DNAH7: variants seen among roughly 807,000 people sequenced by gnomAD.
DNAH7 encodes the protein axonemal beta dynein heavy chain 7.
In DNAH7, 397 loss-of-function variants were observed where a neutral mutation model predicts 444.6. The observed-to-expected ratio is 0.89, with a 90% CI of 0.82 to 0.97. The LOEUF (loss-of-function observed/expected upper bound fraction) is 0.97, where lower values mean the gene tolerates loss of function less well. DNAH7 is among the 50% of genes least tolerant of loss of function. DNAH7 has a pLI of 0.00. For missense variants in DNAH7, 4,902 were observed against 4,800.8 expected, an observed-to-expected ratio of 1.02 and a Z score of -0.62; for synonymous variants, 1,636 against 1,624.4, an observed-to-expected ratio of 1.01 and a Z score of -0.17.
At chr2:195,873,735 AT>A in intron 38 of DNAH7, 41 bp from the exon 39 acceptor site, 2 of 1,410,626 alleles carry the variant, frequency 1.4e-6, no homozygotes, top group South Asian at 3.1e-5. Context: ...TGTTACTAGT[AT>A]ATACAAGAGT....
chr2:195,858,458 A>G lies in DNAH7; in HGVS notation c.8067+16T>C. On this transcript the variant is annotated intron_variant, in intron 43 of 64. Transcript: ENST00000312428. Reference sequence around the variant, plus strand: ...TGATGACATGTGTCCTAGAAAGTGTATGGCGAAGCTCTTACCTGTGCAGTA... The same window carrying G: ...TGATGACATGTGTCCTAGAAAGTGTGTGGCGAAGCTCTTACCTGTGCAGTA... 1.3e-6 allele frequency: 2 copies of G among 1,557,794 alleles called. No homozygotes were observed. The highest frequency in any genetic ancestry group is 1.7e-6 in the Non-Finnish European group (2 of 1,153,546).
At chr2:195,994,727 G>C in intron 12 of DNAH7, 2 of 479,454 alleles carry the variant, frequency 4.2e-6, no homozygotes, top group Admixed American at 2.6e-5. Context: ...AGACCACTAA[G>C]TTTTCAAATA....
intron 15 of DNAH7, among the ~76,000 whole-genome samples, chr2:195,980,604 C>A (rs1692511510): frequency 6.6e-6 from 1 of 152,060 alleles, no homozygotes; most frequent in African/African-American, 2.4e-5. Flanking sequence ...ATGCAAAAGT[C>A]CTCAATAAAA....
chr2:195,810,240 T>C (rs1007569226), intron 51 of DNAH7, among the ~76,000 whole-genome samples: 43 of 152,330 alleles, frequency 2.8e-4, no homozygotes, highest in African/African-American at 9.1e-4. Flanking sequence ...TTTTATATTG[T>C]ATATTAAATG....
intron 54 of DNAH7, among the ~76,000 whole-genome samples, chr2:195,803,272 GAATTATA>G (rs1696561532): frequency 6.6e-6 from 1 of 152,222 alleles, no homozygotes; most frequent in African/African-American, 2.4e-5. Context: ...AAGCAAGTTT[GAATTATA>G]AATGGCCTCA....
chr2:195,748,779 CCATA>C (rs1693596632), intron 63 of DNAH7, among the ~76,000 whole-genome samples: 1 of 152,226 alleles, frequency 6.6e-6, no homozygotes, highest in Non-Finnish European at 1.5e-5. Flanking sequence ...AACTGGCTAG[CCATA>C]TGCAGAAAGC....
At chr2:195,826,670 C>T (rs375086970) in intron 48 of DNAH7, among the ~76,000 whole-genome samples, 401 of 152,212 alleles carry the variant, frequency 2.6e-3, no homozygotes, top group Non-Finnish European at 4.3e-3. Context: ...TACTAACATA[C>T]TTGACCATCT....
intron 5 of DNAH7, among the ~76,000 whole-genome samples, chr2:196,035,745 T>C (rs1049101551): frequency 6.6e-5 from 10 of 152,146 alleles, no homozygotes; most frequent in Admixed American, 6.5e-4. Flanking sequence ...GAATGCTCCA[T>C]TGCAGGAAAA....
At chr2:195,832,804 A>G (rs1157513423) in intron 48 of DNAH7, among the ~76,000 whole-genome samples, 1 of 152,198 alleles carries the variant, frequency 6.6e-6, no homozygotes, top group Non-Finnish European at 1.5e-5. Context: ...CTGAATTCCT[A>G]TAGTACATCA....
At chr2:196,044,203 A>ATGTGTGTGTGTG (rs367981308) in intron 5 of DNAH7, among the ~76,000 whole-genome samples, 6 of 146,998 alleles carry the variant, frequency 4.1e-5, no homozygotes, top group African/African-American at 1.5e-4. Context: ...ATATATATAT[A>ATGTGTGTGTGTG]TGTGTGTGTG....
chr2:195,817,468 T>C (rs533098444), intron 50 of DNAH7, among the ~76,000 whole-genome samples: 6 of 152,342 alleles, frequency 3.9e-5, no homozygotes, highest in Non-Finnish European at 7.4e-5. Flanking sequence ...CCCTGACTTC[T>C]GGCAGGCCTT....
At chr2:196,031,401 A>G (rs544642816) in intron 5 of DNAH7, among the ~76,000 whole-genome samples, 1 of 152,340 alleles carries the variant, frequency 6.6e-6, no homozygotes, top group East Asian at 1.9e-4. Context: ...CATGCCCTGG[A>G]AATATTTTTC....
intron 57 of DNAH7, among the ~76,000 whole-genome samples, chr2:195,793,754 C>T (rs959005200): frequency 2.0e-5 from 3 of 152,122 alleles, no homozygotes; most frequent in Admixed American, 6.5e-5. Flanking sequence ...AAGTTCATAA[C>T]CCCTCTTAAA....
At chr2:195,790,038 G>C (rs2105979668) in intron 57 of DNAH7, among the ~76,000 whole-genome samples, 1 of 152,194 alleles carries the variant, frequency 6.6e-6, no homozygotes, top group African/African-American at 2.4e-5. Flanking sequence ...TAATGTTCAA[G>C]CTGAAAGCCA....
intron 49 of DNAH7, among the ~76,000 whole-genome samples, chr2:195,821,942 G>A (rs950232243): frequency 6.6e-6 from 1 of 152,152 alleles, no homozygotes; most frequent in Non-Finnish European, 1.5e-5. Flanking sequence ...AAACCCCTAG[G>A]AAGATGATTC....
chr2:195,939,239 G>A (rs180927663), intron 19 of DNAH7, among the ~76,000 whole-genome samples: 6 of 152,204 alleles, frequency 3.9e-5, no homozygotes, highest in African/African-American at 9.6e-5. Flanking sequence ...TGACTCTGGG[G>A]AAAGGGGAAA....
Position 195,845,041 on chromosome 2 carries a change from G to A in DNAH7, c.8906C>T (p.Pro2969Leu). 2 of 1,613,768 alleles carry A rather than the reference G, an allele frequency of 1.2e-6. No homozygotes were observed. Among genetic ancestry groups the A allele is most frequent in the Non-Finnish European group, 1.7e-6 (2 of 1,179,860 alleles). ...TIRTWNIAGL[P>L]SDSFSIDNGI... ...ATTATCAATGGAAAATGAGTCAGAA[G>A]GTAATCCAGCAATATTCCAAGTTCG... is the stretch of plus-strand genomic sequence containing the variant. The change falls in exon 47 of 65, where the codon CCT becomes CTT. Residue 2969 changes from proline to leucine, a missense_variant. Coordinates refer to ENST00000312428, the MANE Select transcript of DNAH7 (RefSeq NM_018897.3).
At chr2:196,048,443 C>A (rs1167219258) in intron 3 of DNAH7, 39 bp from the exon 4 acceptor site, 4 of 1,563,870 alleles carry the variant, frequency 2.6e-6, no homozygotes, top group African/African-American at 2.7e-5. Context: ...CAAACAATAT[C>A]AGAAAAAAAC....
intron 61 of DNAH7, among the ~76,000 whole-genome samples, chr2:195,757,639 G>A (rs1559075697): frequency 6.6e-6 from 1 of 152,180 alleles, no homozygotes; most frequent in Non-Finnish European, 1.5e-5. Flanking sequence ...ACAAAGAGGG[G>A]AAGGGAAAAT....
Sources: allele counts gnomAD v4.1 joint callset (sites outside exome capture counted in the v4.1 genomes callset), GRCh38; gene constraint gnomAD v4.1.1; transcripts MANE v1.5; gene names NCBI Gene and HGNC (gene_info 2026-07-23, HGNC 2026-07-21).